Variants in COPB1 observed in about 807,000 individuals in gnomAD.
COPB1 encodes coat protein complex I subunit beta 1, also known as coatomer subunit beta.
COPB1 carries 21 observed loss-of-function variants against 108.7 expected under a neutral mutation model. The observed-to-expected ratio is 0.19, with a 90% CI of 0.14 to 0.28. The LOEUF is 0.28. Ranked by LOEUF, COPB1 falls within the 10% of genes least tolerant of loss-of-function variation. The pLI, the probability that COPB1 is intolerant of heterozygous loss-of-function variation, is 1.00. For missense variants in COPB1, 919 were observed against 1,141.3 expected (o/e 0.81, Z 2.81); for synonymous variants, 378 against 386.8 (o/e 0.98, Z 0.27).
intron 11 of COPB1, chr11:14,479,102 G>GTT (rs1850599041): frequency 6.6e-6 from 1 of 151,420 alleles, no homozygotes; most frequent in African/African-American, 2.4e-5. Context: ...CTTCCTTCCT[G>GTT]AGACATATTT....
At position 14,457,749 on chromosome 11, in the gene COPB1, A is replaced by T; in HGVS notation, c.*75T>A. The T allele has an allele frequency of 2.3e-6, 2 of 887,356 alleles. No individual in the cohort carries two copies. The highest frequency in any genetic ancestry group is 3.8e-6 in the Non-Finnish European group (2 of 528,442). The allele number at this position is 887,356 out of a possible 1,614,324, so 55.0% of individuals were successfully genotyped here. On this transcript the variant is annotated 3_prime_UTR_variant, in exon 22 of 22. Transcript: ENST00000439561. Reference sequence around the variant, plus strand: ...CTCAGATTCTATATAAGCATGAAAGAGTACAAAAGATGTTGGAGTCCAGTA... The same window carrying T: ...CTCAGATTCTATATAAGCATGAAAGTGTACAAAAGATGTTGGAGTCCAGTA...
At chr11:14,458,242 A>G (rs1565009229) in intron 21 of COPB1, among the ~76,000 whole-genome samples, 1 of 151,820 alleles carries the variant, frequency 6.6e-6, no homozygotes, top group Non-Finnish European at 1.5e-5. Flanking sequence ...TACAACACCC[A>G]GCTAATTAGT....
At chr11:14,491,295 A>T (rs1250140127) in intron 4 of COPB1, among the ~76,000 whole-genome samples, 1 of 151,696 alleles carries the variant, frequency 6.6e-6, no homozygotes, top group Middle Eastern at 3.2e-3. Context: ...TGATCCACCC[A>T]CCTCGGCTTC....
chr11:14,461,578 T>C (rs1589951167), intron 18 of COPB1, among the ~76,000 whole-genome samples: 1 of 152,330 alleles, frequency 6.6e-6, no homozygotes, highest in African/African-American at 2.4e-5. Flanking sequence ...GTTAAGTAAG[T>C]TGTTCCAGAT....
intron 2 of COPB1, 195 bp from the exon 3 acceptor site, chr11:14,494,634 T>C: frequency 5.9e-6 from 3 of 505,978 alleles, no homozygotes. Context: ...TCAAGTCATT[T>C]ATCTCTGGAA....
intron 12 of COPB1, among the ~76,000 whole-genome samples, 147 bp downstream of exon 12, chr11:14,476,762 CTTTTTTTTTT>C (rs10612229): frequency 1.5e-5 from 2 of 131,022 alleles, no homozygotes; most frequent in Non-Finnish European, 3.2e-5. Context: ...GCTACTGCTT[CTTTTTTTTTT>C]TTTTTTTTTT....
intron 20 of COPB1, 59 bp from the exon 21 acceptor site, chr11:14,458,746 C>T (rs12576926): frequency 0.37 from 554,451 of 1,478,954 alleles, 106,757 homozygotes; most frequent in East Asian, 0.45. Flanking sequence ...GAGGCAAAAA[C>T]CAAACAGCAT....
At chr11:14,488,436 T>C in intron 6 of COPB1, 56 bp downstream of exon 6, 1 of 1,045,260 alleles carries the variant, frequency 9.6e-7, no homozygotes, top group Non-Finnish European at 1.4e-6. Flanking sequence ...AGAAAGTATT[T>C]AACCCTGTCT....
intron 2 of COPB1, among the ~76,000 whole-genome samples, chr11:14,497,008 C>A (rs1851036227): frequency 6.6e-6 from 1 of 152,078 alleles, no homozygotes; most frequent in African/African-American, 2.4e-5. Flanking sequence ...GAAACTTGTC[C>A]CCCATCTCTC....
intron 8 of COPB1, among the ~76,000 whole-genome samples, 155 bp downstream of exon 8, chr11:14,482,877 G>A (rs968318620): frequency 3.9e-5 from 6 of 152,174 alleles, no homozygotes; most frequent in African/African-American, 1.4e-4. Flanking sequence ...TACCCCAAAA[G>A]GCTATGATGA....
At chr11:14,496,253 A>G (rs541371134) in intron 2 of COPB1, among the ~76,000 whole-genome samples, 1 of 152,268 alleles carries the variant, frequency 6.6e-6, no homozygotes, top group African/African-American at 2.4e-5. Context: ...TGGAAAGCAT[A>G]TTAATTATAA....
chr11:14,479,608 T>G lies in COPB1; in HGVS notation c.1319A>C (p.Glu440Ala). Residue 440 changes from glutamate to alanine, a missense_variant, in exon 11 of 22, where the codon GAG becomes GCG. Coordinates refer to ENST00000439561, the MANE Select transcript of COPB1 (RefSeq NM_001144061.2). ...AGCATGAAAGACTTCAAGCATCTTC[T>G]CAACAATAAGCATTCTCAGGTTATC... Reference protein sequence around the residue: ...RFDNLRMLIVEKMLEVFHAIK... With the variant: ...RFDNLRMLIVAKMLEVFHAIK... The G allele has an allele frequency of 1.9e-6, 3 of 1,612,966 alleles. No homozygotes were observed. Among genetic ancestry groups the G allele is most frequent in the East Asian group, 4.5e-5 (2 of 44,864 alleles).
At chr11:14,478,172 C>G (rs987847591) in intron 11 of COPB1, among the ~76,000 whole-genome samples, 4 of 152,090 alleles carry the variant, frequency 2.6e-5, no homozygotes, top group Admixed American at 1.3e-4. Context: ...CATTCTAAAA[C>G]TGGTAAACCT....
chr11:14,496,081 T>C (rs1851010789), intron 2 of COPB1, among the ~76,000 whole-genome samples: 1 of 152,190 alleles, frequency 6.6e-6, no homozygotes, highest in Admixed American at 6.5e-5. Context: ...GAAGTGGGAA[T>C]AGGCAAGTAA....
chr11:14,458,659 G>A lies in COPB1; in HGVS notation c.2675C>T (p.Ala892Val). The A allele has an allele frequency of 1.2e-6, 2 of 1,611,748 alleles. No homozygotes were observed. The highest frequency in any genetic ancestry group is 1.3e-5 in the African/African-American group (1 of 74,782). The change falls in exon 21 of 22, where the codon GCA (alanine) becomes GTA (valine). Residue 892 changes from alanine (A) to valine (V), a missense_variant. Ala to Val is a moderately conservative substitution (Grantham distance 64). Around this residue, in one of 5 missense-constraint regions of COPB1, gnomAD observed 705 missense variants for 817.8 expected, o/e 0.86. Coordinates refer to ENST00000439561, the MANE Select transcript of COPB1 (RefSeq NM_001144061.2). ...TATGGAACGAGCATAAAGGTTGGCT[G>A]CCATAAAGCCACAGTAACCAGAAAG... The part of the protein sequence containing the change: ...KALSGYCGFM[A>V]ANLYARSIFG...
intron 3 of COPB1, among the ~76,000 whole-genome samples, 155 bp from the exon 4 acceptor site, chr11:14,493,966 T>C (rs1247775706): frequency 1.3e-5 from 2 of 152,344 alleles, no homozygotes; most frequent in African/African-American, 4.8e-5. Flanking sequence ...AAGCAATTTT[T>C]ACCTATCTCA....
At chr11:14,477,389 C>CAAAAAAATAAAAAAAA (rs1850547321) in intron 11 of COPB1, among the ~76,000 whole-genome samples, 1 of 73,312 alleles carries the variant, frequency 1.4e-5, no homozygotes, top group South Asian at 6.1e-4. Context: ...GACTCCGTCT[C>CAAAAAAATAAAAAAAA]AAAAAAAAAA....
intron 14 of COPB1, among the ~76,000 whole-genome samples, chr11:14,470,907 C>CAT (rs1850383848): frequency 2.2e-5 from 1 of 46,350 alleles, no homozygotes; most frequent in Middle Eastern, 9.3e-3. Context: ...AATACACACA[C>CAT]ACACACACAC....
intron 14 of COPB1, among the ~76,000 whole-genome samples, 158 bp from the exon 15 acceptor site, chr11:14,469,721 T>C (rs1850362404): frequency 6.6e-6 from 1 of 152,234 alleles, no homozygotes; most frequent in East Asian, 1.9e-4. Context: ...ATTCTTCTCC[T>C]TCCTTTCTAC....
Sources: allele counts gnomAD v4.1 joint callset (sites outside exome capture counted in the v4.1 genomes callset), GRCh38; gene constraint gnomAD v4.1.1; regional missense constraint gnomAD v4.1.1; transcripts MANE v1.5; gene names NCBI Gene and HGNC (gene_info 2026-07-23, HGNC 2026-07-21).